CRAMP1: variants seen among roughly 807,000 people sequenced by gnomAD.
The protein encoded by CRAMP1 is cramped chromatin regulator 1.
In CRAMP1, 50 loss-of-function variants were observed where a neutral mutation model predicts 115.4. That is an observed-to-expected ratio of 0.43 (90% CI 0.35 to 0.55). CRAMP1 has a LOEUF of 0.55. Among genes scored for constraint, CRAMP1 ranks in the 20% least tolerant of loss-of-function variants. The pLI is 0.01. For missense variants in CRAMP1, 1,679 were observed against 1,721.7 expected, an observed-to-expected ratio of 0.98 and a Z score of 0.44; for synonymous variants, 866 against 745.4, an observed-to-expected ratio of 1.16 and a Z score of -2.64.
chr16:1,661,261 G>A (rs531995730), intron 11 of CRAMP1, among the ~76,000 whole-genome samples: 94 of 152,326 alleles, frequency 6.2e-4, no homozygotes, highest in African/African-American at 2.0e-3. Flanking sequence ...GTTCAAGGCC[G>A]CACTGAGCCG....
At position 1,652,987 on chromosome 16, in the gene CRAMP1, T is replaced by G. The variant is rs553315262; in HGVS notation, c.914-46T>G. On this transcript the variant is annotated intron_variant, in intron 7 of 20. Coordinates refer to ENST00000397412, the MANE Select transcript of CRAMP1 (RefSeq NM_020825.4). ...CTGGCCCAGCCCTTGGTTTTCTACC[T>G]TAAGGTTGGGCTGCACTAAACTTTC... The G allele has an allele frequency of 4.3e-6, 7 of 1,610,946 alleles. No homozygotes were observed. The East Asian group carries it at 8.9e-5, about 21-fold the overall frequency.
intron 19 of CRAMP1, 184 bp from the exon 20 acceptor site, chr16:1,670,480 T>C (rs1168283758): frequency 3.1e-6 from 2 of 647,062 alleles, no homozygotes; most frequent in East Asian, 2.6e-5. Flanking sequence ...CACGAAGGCC[T>C]GTTAAACGAG....
intron 3 of CRAMP1, among the ~76,000 whole-genome samples, chr16:1,628,438 C>T (rs1567448915): frequency 6.6e-6 from 1 of 152,168 alleles, no homozygotes; most frequent in African/African-American, 2.4e-5. Flanking sequence ...ATTTTTATTA[C>T]AGACCGAGTT....
In CRAMP1 at chr16:1,677,283, A is replaced by G. The variant is rs535265792; in HGVS notation, c.*3238A>G. On this transcript the variant is annotated 3_prime_UTR_variant, in exon 21 of 21. Transcript: ENST00000397412. ...CATGGAGAGACCCTGTCTCTACTAAAAGTACAGAATTAGCCGGGCGTGGTG... is the reference window on the plus strand; with the variant it reads ...CATGGAGAGACCCTGTCTCTACTAAGAGTACAGAATTAGCCGGGCGTGGTG... The G allele has an allele frequency of 6.6e-6, 1 of 152,336 alleles. No homozygotes were observed. Among genetic ancestry groups the G allele is most frequent in the East Asian group, 1.9e-4 (1 of 5,186 alleles). The allele number at this position is 152,336 out of a possible 1,614,324, so 9.4% of individuals were successfully genotyped here. A position where few individuals can be genotyped will look rare whatever the true frequency, so the allele number is the denominator to read the frequency against.
chr16:1,639,679 T>C (rs367870209), intron 5 of CRAMP1, among the ~76,000 whole-genome samples: 13 of 152,308 alleles, frequency 8.5e-5, no homozygotes, highest in African/African-American at 2.6e-4. Context: ...GTTGTACTCC[T>C]ATGTAAATGT....
At chr16:1,632,727 G>A (rs1393542504) in intron 4 of CRAMP1, among the ~76,000 whole-genome samples, 4 of 152,236 alleles carry the variant, frequency 2.6e-5, no homozygotes, top group East Asian at 1.9e-4. Context: ...GGCTTGGGCC[G>A]CAGGCACCGT....
At chr16:1,618,515 G>C (rs2036439792) in intron 2 of CRAMP1, among the ~76,000 whole-genome samples, 1 of 152,176 alleles carries the variant, frequency 6.6e-6, no homozygotes, top group Non-Finnish European at 1.5e-5. Flanking sequence ...GGTGGGGACA[G>C]AGAGCCTCTG....
chr16:1,641,271 A>G (rs2036629649), intron 6 of CRAMP1, 84 bp downstream of exon 6: 1 of 984,578 alleles, frequency 1.0e-6, no homozygotes, highest in South Asian at 1.3e-5. Flanking sequence ...AAATGCTCTC[A>G]GTGAGGACCT....
intron 13 of CRAMP1, 69 bp downstream of exon 13, chr16:1,662,904 C>T (rs2036845458): frequency 5.7e-6 from 7 of 1,221,848 alleles, no homozygotes; most frequent in Non-Finnish European, 8.2e-6. Context: ...GGCTTCTTCC[C>T]TCTCTCACAT....
At position 1,614,551 on chromosome 16, in the gene CRAMP1, AC is replaced by A. The variant is rs2036399852; in HGVS notation, c.-1-87del. 2 of 789,174 alleles carry A rather than the reference AC, an allele frequency of 2.5e-6. No individual in the cohort carries two copies. The highest frequency in any genetic ancestry group is 1.8e-5 in the African/African-American group (1 of 54,532). 48.9% of individuals were successfully genotyped at this position (789,174 alleles called of 1,614,324 possible). The stretch of plus-strand genomic sequence containing the variant: ...GCCGAGAGGGGATTTGGAACAAACA[AC>A]GGCGGCCATGTTGAGAGCGCGTCGG... On this transcript the variant is annotated intron_variant, in intron 1 of 20. Coordinates refer to ENST00000397412, the MANE Select transcript of CRAMP1 (RefSeq NM_020825.4). The surrounding 1 kb of genome is among the most constrained non-coding windows in gnomAD (Gnocchi z 4.4).
intron 4 of CRAMP1, among the ~76,000 whole-genome samples, chr16:1,634,659 C>CGTTCTCCCGT (rs964858780): frequency 2.0e-5 from 3 of 152,262 alleles, no homozygotes; most frequent in East Asian, 3.9e-4. Flanking sequence ...TTGAGCTCAC[C>CGTTCTCCCGT]GTTCTCCCGT....
intron 20 of CRAMP1, among the ~76,000 whole-genome samples, chr16:1,673,435 G>A (rs993216823): frequency 1.3e-5 from 2 of 152,104 alleles, no homozygotes; most frequent in African/African-American, 4.8e-5. Context: ...TGTCCCCCAC[G>A]TATCCTCGGG....
intron 10 of CRAMP1, among the ~76,000 whole-genome samples, chr16:1,657,690 C>G (rs1004724668): frequency 6.6e-6 from 1 of 152,152 alleles, no homozygotes; most frequent in Non-Finnish European, 1.5e-5. Flanking sequence ...TCCCTTACCA[C>G]AGGGAGGCCA....
At chr16:1,667,423 T>G in intron 17 of CRAMP1, 23 bp downstream of exon 17, 1 of 1,602,564 alleles carries the variant, frequency 6.2e-7, no homozygotes, top group Non-Finnish European at 8.5e-7. Context: ...CTTGGGCTGC[T>G]GAGCAAAGCA....
Position 1,666,481 on chromosome 16 carries a change from T to G in CRAMP1, c.2917T>G (p.Leu973Val). 6.2e-7 allele frequency: 1 copy of G among 1,613,928 alleles called. No homozygotes were observed. Among genetic ancestry groups the G allele is most frequent in the South Asian group, 1.1e-5 (1 of 91,058 alleles). ...CCTTTCCGGGAACCCCCTCCCTGCC[T>G]TGGACACCGAGGGCTTGTCTGGCAT... ...GILSGNPLPA[L>V]DTEGLSGISP... The change falls in exon 16 of 21, where the codon TTG becomes GTG. Residue 973 changes from leucine (L) to valine (V), a missense_variant. This residue lies in a region of CRAMP1 where 709 missense variants were observed against 741.9 expected (regional missense o/e 0.96). Transcript: ENST00000397412. The surrounding 1 kb of genome is among the most constrained non-coding windows in gnomAD (Gnocchi z 5.0).
intron 19 of CRAMP1, chr16:1,670,395 C>T (rs1429087181): frequency 3.6e-5 from 10 of 279,198 alleles, no homozygotes; most frequent in South Asian, 3.2e-4. Flanking sequence ...GGTGGGAGAC[C>T]GTGATGGGGG....
At chr16:1,639,569 T>C (rs754363738) in intron 5 of CRAMP1, among the ~76,000 whole-genome samples, 1 of 152,158 alleles carries the variant, frequency 6.6e-6, no homozygotes, top group Non-Finnish European at 1.5e-5. Context: ...AAAGTTACAC[T>C]TCTTTGCAAA....
At chr16:1,657,165 G>A (rs367985367) in intron 10 of CRAMP1, among the ~76,000 whole-genome samples, 173 bp downstream of exon 10, 1 of 152,238 alleles carries the variant, frequency 6.6e-6, no homozygotes, top group Non-Finnish European at 1.5e-5. Flanking sequence ...GGGAGAGGCA[G>A]GGACCCAAAT....
chr16:1,641,280 C>A (rs11865609), intron 6 of CRAMP1, 93 bp downstream of exon 6: 90,101 of 928,906 alleles, frequency 0.097, 6,199 homozygotes, highest in Admixed American at 0.27. Context: ...CAGTGAGGAC[C>A]TTCCGAGTTA....
Sources: allele counts gnomAD v4.1 joint callset (sites outside exome capture counted in the v4.1 genomes callset), GRCh38; gene constraint gnomAD v4.1.1; regional missense constraint gnomAD v4.1.1; non-coding constraint Gnocchi (gnomAD v3.1); transcripts MANE v1.5; gene names NCBI Gene and HGNC (gene_info 2026-07-23, HGNC 2026-07-21).